The following SESTD1 variants were observed in gnomAD, a reference collection of about 807,000 sequenced individuals.
The protein encoded by SESTD1 is SEC14 and spectrin domain containing 1, also known as SEC14 domain and spectrin repeat-containing protein 1.
A neutral mutation model predicts 101.7 loss-of-function variants in SESTD1; 43 were observed. That is an observed-to-expected ratio of 0.42 (90% CI 0.33 to 0.55). SESTD1 has a LOEUF of 0.55. Ranked by LOEUF, SESTD1 falls within the 20% of genes least tolerant of loss-of-function variation. The pLI, the probability that SESTD1 is intolerant of heterozygous loss-of-function variation, is 0.07. For missense variants in SESTD1, 647 were observed against 815.1 expected (o/e 0.79, Z 2.51); for synonymous variants, 283 against 286.8 (o/e 0.99, Z 0.13).
rs532875395 is a variant in SESTD1, at chr2:179,113,415, G to A, written c.1840-570C>T. The stretch of plus-strand genomic sequence containing the variant: ...GAGTTAACTGCCATAAAATGATTAG[G>A]TTATAATTCAAATATGGTAATCTCT... On this transcript the variant is annotated intron_variant, in intron 16 of 17. Transcript: ENST00000428443. Among the ~76,000 whole-genome samples the A allele has an allele frequency of 1.3e-4, 20 of 152,200 alleles. 1 individual carries two copies. In the East Asian group the frequency reaches 2.1e-3, roughly 16 times the overall value.
In SESTD1 at chr2:179,124,437, C is replaced by T. The variant is rs1352397553; in HGVS notation, c.1094G>A (p.Arg365Gln). The change falls in exon 11 of 18, where the codon CGA becomes CAA. Residue 365 changes from arginine (R) to glutamine (Q), a missense_variant. This residue lies in a region of SESTD1 where 476 missense variants were observed against 562.6 expected (regional missense o/e 0.85). Coordinates refer to ENST00000428443, the MANE Select transcript of SESTD1 (RefSeq NM_178123.5). ...CCTAAATTCCAGCTGACTGGCCTGT[C>T]GATAACAAACATCACTAAGTTGTTG... Reference protein sequence around the residue: ...LQQQLSDVCYRQASQLEFRQN... With the variant: ...LQQQLSDVCYQQASQLEFRQN... The T allele has an allele frequency of 5.0e-6, 8 of 1,613,944 alleles. No individual in the cohort carries two copies. In the African/African-American group the frequency reaches 6.7e-5, roughly 13 times the overall value.
Position 179,104,697 on chromosome 2 carries a change from G to A in SESTD1, c.*5202C>T, listed in dbSNP as rs2044342565. On this transcript the variant is annotated 3_prime_UTR_variant, in exon 18 of 18. Coordinates refer to ENST00000428443, the MANE Select transcript of SESTD1 (RefSeq NM_178123.5). ...CTAACTTAAAATCCCTAATAACACT[G>A]CTCCTGATAAGTAGCAGTTGATAAC... The A allele has an allele frequency of 6.6e-6, 1 of 151,996 alleles. No homozygotes were observed. The highest frequency in any genetic ancestry group is 2.4e-5 in the African/African-American group (1 of 41,364). 9.4% of individuals were successfully genotyped at this position (151,996 alleles called of 1,614,324 possible). A position where few individuals can be genotyped will look rare whatever the true frequency, so the allele number is the denominator to read the frequency against.
At position 179,190,840 on chromosome 2, in the gene SESTD1, C is replaced by T. The variant is rs576986869; in HGVS notation, c.55+947G>A. ...CAATGAAATATCATCTCATACTAGT[C>T]AGAATGTCTATTATTAAAAAGTCAA... On this transcript the variant is annotated intron_variant, in intron 2 of 17. Coordinates refer to ENST00000428443, the MANE Select transcript of SESTD1 (RefSeq NM_178123.5). 1.8e-4 allele frequency among the ~76,000 whole-genome samples: 27 copies of T among 152,222 alleles called. 2 individuals carry two copies. The South Asian group carries it at 5.2e-3, about 29-fold the overall frequency.
chr2:179,135,027 C>T (rs1559106651), intron 9 of SESTD1, among the ~76,000 whole-genome samples: 1 of 152,110 alleles, frequency 6.6e-6, no homozygotes, highest in East Asian at 1.9e-4. Context: ...TCACTGCAAC[C>T]TCTGCCTCCC....
chr2:179,199,161 A>G (rs1248280312), intron 1 of SESTD1, among the ~76,000 whole-genome samples: 2 of 152,106 alleles, frequency 1.3e-5, no homozygotes, highest in African/African-American at 4.8e-5. Context: ...CTACCATCAG[A>G]GAATACTACA....
chr2:179,135,469 G>A (rs760962652), intron 9 of SESTD1, among the ~76,000 whole-genome samples: 3 of 152,012 alleles, frequency 2.0e-5, no homozygotes, highest in Non-Finnish European at 4.4e-5. Context: ...ATACTAGAGA[G>A]AAGGCTAGGC....
At chr2:179,136,003 T>C (rs779854090) in intron 9 of SESTD1, among the ~76,000 whole-genome samples, 1 of 152,220 alleles carries the variant, frequency 6.6e-6, no homozygotes, top group Non-Finnish European at 1.5e-5. Context: ...GCTAGGGTAC[T>C]AGGATTCTGT....
intron 2 of SESTD1, among the ~76,000 whole-genome samples, chr2:179,188,988 T>A (rs760742966): frequency 6.6e-6 from 1 of 152,128 alleles, no homozygotes; most frequent in Non-Finnish European, 1.5e-5. Flanking sequence ...CACAGCCAAA[T>A]TCTACCAGAC....
intron 2 of SESTD1, among the ~76,000 whole-genome samples, chr2:179,184,319 C>A (rs561548516): frequency 5.9e-5 from 9 of 152,148 alleles, no homozygotes; most frequent in Admixed American, 3.9e-4. Context: ...TCCACATGAT[C>A]GCTAGACATC....
At chr2:179,197,759 T>G (rs1346202695) in intron 1 of SESTD1, among the ~76,000 whole-genome samples, 2 of 152,062 alleles carry the variant, frequency 1.3e-5, no homozygotes, top group Admixed American at 6.5e-5. Flanking sequence ...AAGCAAATGC[T>G]GAGAGATTTT....
chr2:179,116,783 T>C lies in SESTD1; in HGVS notation c.1532A>G (p.Glu511Gly). ...KCEEDAAQAV[E>G]WLSELLDALL... Reference sequence around the variant, plus strand: ...AGCATCCAGAAGTTCACTTAGCCATTCTACTGCCTAAACAAAAAGACATAA... The same window carrying C: ...AGCATCCAGAAGTTCACTTAGCCATCCTACTGCCTAAACAAAAAGACATAA... Residue 511 changes from glutamate (E) to glycine (G), a missense_variant, in exon 15 of 18, where the codon GAA becomes GGA. Glu to Gly is a moderately conservative substitution (Grantham distance 98). This residue lies in a region of SESTD1 where 476 missense variants were observed against 562.6 expected (regional missense o/e 0.85). Transcript: ENST00000428443. The C allele has an allele frequency of 6.2e-7, 1 of 1,613,534 alleles. No individual in the cohort carries two copies. The highest frequency in any genetic ancestry group is 8.5e-7 in the Non-Finnish European group (1 of 1,179,576).
intron 1 of SESTD1, among the ~76,000 whole-genome samples, chr2:179,253,455 T>G (rs967290242): frequency 6.6e-6 from 1 of 152,194 alleles, no homozygotes; most frequent in African/African-American, 2.4e-5. Context: ...AAACTGAAAC[T>G]GGGTGAGGTG....
intron 16 of SESTD1, among the ~76,000 whole-genome samples, chr2:179,113,310 AAAAC>A (rs1460791176): frequency 6.6e-6 from 1 of 152,210 alleles, no homozygotes; most frequent in Non-Finnish European, 1.5e-5. Context: ...ATATAAATAA[AAAAC>A]AACAAAGAGT....
chr2:179,245,518 A>C (rs1208910318), intron 1 of SESTD1, among the ~76,000 whole-genome samples: 78 of 95,594 alleles, frequency 8.2e-4, no homozygotes, highest in Non-Finnish European at 1.3e-3. Context: ...TCTGTCTCAA[A>C]AAAAAAAAAA....
At chr2:179,112,867 C>T (rs201391142) in intron 16 of SESTD1, 22 bp from the exon 17 acceptor site, 242 of 1,598,762 alleles carry the variant, frequency 1.5e-4, no homozygotes, top group Non-Finnish European at 8.5e-5. Context: ...AAAAGAGCAA[C>T]ATCAATCAAG....
At chr2:179,239,410 G>A (rs1263789687) in intron 1 of SESTD1, among the ~76,000 whole-genome samples, 2 of 151,502 alleles carry the variant, frequency 1.3e-5, no homozygotes, top group South Asian at 4.2e-4. Flanking sequence ...TTTTGAATCT[G>A]CTAAGGTAAA....
chr2:179,173,349 A>G (rs1415245124), intron 4 of SESTD1, among the ~76,000 whole-genome samples: 1 of 152,100 alleles, frequency 6.6e-6, no homozygotes, highest in Non-Finnish European at 1.5e-5. Context: ...TTAACTGCTT[A>G]TTGTCTAACT....
intron 2 of SESTD1, among the ~76,000 whole-genome samples, chr2:179,188,515 G>A (rs2046270077): frequency 6.6e-6 from 1 of 152,120 alleles, no homozygotes; most frequent in Non-Finnish European, 1.5e-5. Flanking sequence ...GTACACACCT[G>A]TAGTCTCAGC....
intron 1 of SESTD1, among the ~76,000 whole-genome samples, chr2:179,217,195 C>T (rs1559147637): frequency 6.6e-6 from 1 of 152,048 alleles, no homozygotes; most frequent in Non-Finnish European, 1.5e-5. Flanking sequence ...AGTGAACAGG[C>T]AAACTACAGA....
Sources: allele counts gnomAD v4.1 joint callset (sites outside exome capture counted in the v4.1 genomes callset), GRCh38; gene constraint gnomAD v4.1.1; regional missense constraint gnomAD v4.1.1; transcripts MANE v1.5; gene names NCBI Gene and HGNC (gene_info 2026-07-23, HGNC 2026-07-21).